The following GLMN variants were observed in gnomAD, a reference collection of about 807,000 sequenced individuals.
GLMN encodes the protein glomulin.
GLMN carries 75 observed loss-of-function variants against 87.8 expected under a neutral mutation model. The observed-to-expected ratio is 0.85, with a 90% CI of 0.71 to 1.04. The LOEUF is 1.04. GLMN is among the 50% of genes least tolerant of loss of function. The pLI is 0.00. For synonymous variants in GLMN, 206 were observed against 221.6 expected, an observed-to-expected ratio of 0.93 and a Z score of 0.63; for missense variants, 588 against 658.8, an observed-to-expected ratio of 0.89 and a Z score of 1.18.
At chr1:92,290,814 A>T (rs1649319996) in intron 4 of GLMN, among the ~76,000 whole-genome samples, 1 of 152,202 alleles carries the variant, frequency 6.6e-6, no homozygotes, top group Non-Finnish European at 1.5e-5. Context: ...GTATATTTGC[A>T]CTGATCACTA....
the GLMN span, among the ~76,000 whole-genome samples, chr1:92,317,516 A>C: frequency 2.6e-5 from 4 of 152,314 alleles, no homozygotes; most frequent in Non-Finnish European, 5.9e-5. Flanking sequence ...AAAAAAAATA[A>C]AAATAAAAAT....
At chr1:92,247,844 G>T in intron 17 of GLMN, 34 bp downstream of exon 17, 1 of 815,102 alleles carries the variant, frequency 1.2e-6, no homozygotes, top group South Asian at 1.3e-5. Flanking sequence ...CTACTTTTTA[G>T]ACCTAATTGA....
At chr1:92,301,691 TGA>T (rs1650869022), upstream of GLMN, 1 of 483,508 alleles carries the variant, frequency 2.1e-6, no homozygotes, top group East Asian at 3.5e-5. Context: ...GAATTTGTTC[TGA>T]GTCATTAGAT....
Position 92,246,531 on chromosome 1 carries a change from C to G in GLMN, c.1784G>C (p.Ter595SerextTer9), listed in dbSNP as rs774443160. 8.1e-7 allele frequency: 1 copy of G among 1,237,804 alleles called. No individual in the cohort carries two copies. Among genetic ancestry groups the G allele is most frequent in the Non-Finnish European group, 1.2e-6 (1 of 837,194 alleles). The allele number at this position is 1,237,804 out of a possible 1,614,324, so 76.7% of individuals were successfully genotyped here. ...GTTTTTATTTAGGAAATGGAACTTTCACTTTATCCCAATATTTTCTTCAGA... is the reference window on the plus strand; with the variant it reads ...GTTTTTATTTAGGAAATGGAACTTTGACTTTATCCCAATATTTTCTTCAGA... ...STSEENIGIK[*>S] Residue 595 changes from the stop codon to serine (S), a stop_lost, in exon 19 of 19, where the codon TGA becomes TCA. Coordinates refer to ENST00000370360, the MANE Select transcript of GLMN (RefSeq NM_053274.3).
rs1380006922 is a variant in GLMN at position 92,290,325 on chromosome 1, T to C, written c.286-19A>G. On this transcript the variant is annotated intron_variant, in intron 4 of 18. Coordinates refer to ENST00000370360, the MANE Select transcript of GLMN (RefSeq NM_053274.3). ...TGCATAACTATAAAAATATTCACAA[T>C]TGAACCTGTTTAATACAAGTTGTAT... 1.5e-6 allele frequency: 2 copies of C among 1,365,596 alleles called. No homozygotes were observed. Among genetic ancestry groups the C allele is most frequent in the Non-Finnish European group, 2.1e-6 (2 of 954,300 alleles). 84.6% of individuals were successfully genotyped at this position (1,365,596 alleles called of 1,614,324 possible). A position where few individuals can be genotyped will look rare whatever the true frequency, so the allele number is the denominator to read the frequency against.
chr1:92,370,695 G>T, the GLMN span, among the ~76,000 whole-genome samples: 108 of 151,788 alleles, frequency 7.1e-4, no homozygotes, highest in Non-Finnish European at 1.2e-3. Context: ...GCTTACTTTG[G>T]TGAGACTTTA....
chr1:92,306,809 T>A, the GLMN span, among the ~76,000 whole-genome samples: 1 of 152,086 alleles, frequency 6.6e-6, no homozygotes, highest in African/African-American at 2.4e-5. Context: ...CTAAAAAAAA[T>A]AAAATTTAAT....
upstream of GLMN, among the ~76,000 whole-genome samples, chr1:92,299,319 C>G (rs995971581): frequency 6.6e-6 from 1 of 152,194 alleles, no homozygotes; most frequent in Non-Finnish European, 1.5e-5. Context: ...GAAAGATTTC[C>G]TGGCCGCCCC....
At chr1:92,272,782 C>T (rs967168483) in intron 7 of GLMN, among the ~76,000 whole-genome samples, 3 of 152,122 alleles carry the variant, frequency 2.0e-5, no homozygotes, top group African/African-American at 4.8e-5. Flanking sequence ...ATAAAGCTTT[C>T]CGCTCAGGAA....
chr1:92,271,518 T>C lies in GLMN; in HGVS notation c.870A>G (p.Ala290=), dbSNP rs200917081. The change falls in exon 8 of 19, where the codon GCA becomes GCG. Residue 290 remains alanine, a synonymous_variant. Transcript: ENST00000370360. ...GGATGCCCTGTACAAATACTAGATA[T>C]GCCAGAGAAGCCATTGAGTCTGCTA... ...KQLADSMASL[A]YLVFVQGIHI... 9.3e-6 allele frequency: 15 copies of C among 1,613,070 alleles called. No homozygotes were observed. The highest frequency in any genetic ancestry group is 2.7e-5 in the African/African-American group (2 of 74,872).
chr1:92,336,438 A>G, the GLMN span: 13 of 1,521,276 alleles, frequency 8.5e-6, no homozygotes, highest in Non-Finnish European at 1.2e-5. Flanking sequence ...GTTAGTGTTT[A>G]TATTACAATT....
At chr1:92,299,072 C>T (rs936522442), upstream of GLMN, 12 of 1,503,818 alleles carry the variant, frequency 8.0e-6, no homozygotes, top group African/African-American at 1.4e-5. Context: ...CTACTCTCCC[C>T]CATGGCGGAC....
the GLMN span, among the ~76,000 whole-genome samples, chr1:92,351,607 G>A: frequency 6.6e-6 from 1 of 152,054 alleles, no homozygotes; most frequent in East Asian, 1.9e-4. Flanking sequence ...CCAGTCTTCT[G>A]TGACCTCTGT....
At position 92,291,399 on chromosome 1, in the gene GLMN, C is replaced by A. The variant is rs779588699; in HGVS notation, c.285+19G>T. ...CTGCTGTGTGTTATGATAAAGAGAA[C>A]CTTGTTTTGTTAACTTACCTTTACC... On this transcript the variant is annotated intron_variant, in intron 4 of 18. Transcript: ENST00000370360. The A allele has an allele frequency of 6.5e-7, 1 of 1,534,042 alleles. No homozygotes were observed. The highest frequency in any genetic ancestry group is 1.7e-5 in the Admixed American group (1 of 59,862).
Position 92,298,946 on chromosome 1 carries a change from C to T in GLMN, c.-52G>A, listed in dbSNP as rs1040742553. 3 of 491,820 alleles carry T rather than the reference C, an allele frequency of 6.1e-6. No individual in the cohort carries two copies. The highest frequency in any genetic ancestry group is 3.9e-5 in the Admixed American group (1 of 25,882). The allele number at this position is 491,820 out of a possible 1,614,324, so 30.5% of individuals were successfully genotyped here. On this transcript the variant is annotated 5_prime_UTR_variant, in exon 1 of 19. Transcript: ENST00000370360. Reference sequence around the variant, plus strand: ...TTACCGGCCAGAACCCTCGCCTCTCCCAGCCGCCGCCACCTCCTCCGGCGT... The same window carrying T: ...TTACCGGCCAGAACCCTCGCCTCTCTCAGCCGCCGCCACCTCCTCCGGCGT...
chr1:92,346,054 T>G, the GLMN span: 1 of 538,090 alleles, frequency 1.9e-6, no homozygotes, highest in Non-Finnish European at 3.3e-6. Flanking sequence ...TCCTTTCCTA[T>G]GTAAGAAAAC....
In GLMN at chr1:92,268,127, T is replaced by C. The variant is rs1408398558; in HGVS notation, c.986A>G (p.Glu329Gly). 3 of 1,403,678 alleles carry C rather than the reference T, an allele frequency of 2.1e-6. No individual in the cohort carries two copies. Among genetic ancestry groups the C allele is most frequent in the African/African-American group, 1.4e-5 (1 of 70,730 alleles). 87.0% of individuals were successfully genotyped at this position (1,403,678 alleles called of 1,614,324 possible). ...HIEVFLQRTEESVISKGLELL... is the reference protein window; with the variant it reads ...HIEVFLQRTEGSVISKGLELL... ...TACCAATCCTTTGGAGATAACAGAC[T>C]CTTCTGTTCTGAAAAATAATATTAA... is the stretch of plus-strand genomic sequence containing the variant. Residue 329 changes from glutamate to glycine, a missense_variant, in exon 10 of 19, where the codon GAG (glutamate) becomes GGG (glycine). Glu to Gly is a moderately conservative substitution (Grantham distance 98). Coordinates refer to ENST00000370360, the MANE Select transcript of GLMN (RefSeq NM_053274.3).
chr1:92,360,265 G>C, the GLMN span, among the ~76,000 whole-genome samples: 3 of 152,150 alleles, frequency 2.0e-5, no homozygotes, highest in Non-Finnish European at 4.4e-5. Context: ...TGAGAATAAG[G>C]ACTAAGGACT....
the GLMN span, among the ~76,000 whole-genome samples, chr1:92,352,594 A>G: frequency 6.6e-6 from 1 of 152,212 alleles, no homozygotes; most frequent in African/African-American, 2.4e-5. Flanking sequence ...AATTTTAGGT[A>G]TCTGAGACCA....
Sources: gnomAD v4.1 joint callset for allele counts (sites outside exome capture counted in the v4.1 genomes callset) on GRCh38, gnomAD v4.1.1 for gene constraint, MANE v1.5 for transcripts, NCBI Gene and HGNC (gene_info 2026-07-23, HGNC 2026-07-21) for gene names.